SENP1: variants seen among roughly 807,000 people sequenced by gnomAD.
The protein encoded by SENP1 is SUMO specific peptidase 1, also known as sentrin-specific protease 1.
In SENP1, 21 loss-of-function variants were observed where a neutral mutation model predicts 93.0. The ratio of observed to expected loss-of-function variants is 0.23; its 90% CI spans 0.16 to 0.33. SENP1 has a LOEUF of 0.33. Ranked by LOEUF, SENP1 falls within the 10% of genes least tolerant of loss-of-function variation. SENP1 has a pLI of 1.00. For missense variants in SENP1, 591 were observed against 758.7 expected (o/e 0.78, Z 2.60); for synonymous variants, 256 against 259.6 (o/e 0.99, Z 0.13).
At chr12:48,046,038 G>C (rs1941339001) in intron 17 of SENP1, among the ~76,000 whole-genome samples, 1 of 152,158 alleles carries the variant, frequency 6.6e-6, no homozygotes, top group South Asian at 2.1e-4. Context: ...CGAAATGCAA[G>C]GGAACTAAAG....
At chr12:48,080,901 G>A (rs1426398410) in intron 6 of SENP1, among the ~76,000 whole-genome samples, 2 of 152,154 alleles carry the variant, frequency 1.3e-5, no homozygotes, top group African/African-American at 4.8e-5. Context: ...CACTACAGGA[G>A]GAAGGAGAAC....
Position 48,063,804 on chromosome 12 carries a change from C to G in SENP1, c.1313G>C (p.Gly438Ala), listed in dbSNP as rs779013784. The change falls in exon 13 of 18, where the codon GGG becomes GCG. Residue 438 changes from glycine to alanine, a missense_variant. By Grantham distance (60) the Gly-to-Ala change is moderately conservative. This residue lies in a region of SENP1 where 238 missense variants were observed against 259.1 expected (regional missense o/e 0.92). Transcript: ENST00000549518. ...EKEIKNVFRN[G>A]NQDEVLSEAF... is the part of the protein sequence containing the mutation. ...TTCACTGAGAACTTCATCCTGATTC[C>G]CATTACGAAATACATTCTTTATTTC... is the stretch of plus-strand genomic sequence containing the variant. 42 of 1,612,542 alleles carry G rather than the reference C, an allele frequency of 2.6e-5. No homozygotes were observed. The highest frequency in any genetic ancestry group is 3.5e-5 in the Non-Finnish European group (41 of 1,179,356).
At chr12:48,101,976 T>TA (rs1324243482) in intron 1 of SENP1, among the ~76,000 whole-genome samples, 1 of 152,204 alleles carries the variant, frequency 6.6e-6, no homozygotes, top group Non-Finnish European at 1.5e-5. Flanking sequence ...AGTAGCCTGA[T>TA]ACTCTAATGA....
intron 2 of SENP1, among the ~76,000 whole-genome samples, chr12:48,098,415 C>T (rs542495499): frequency 6.6e-5 from 10 of 151,898 alleles, no homozygotes; most frequent in South Asian, 6.2e-4. Context: ...GAGGTTGAGG[C>T]GGGTGGATCA....
intron 15 of SENP1, among the ~76,000 whole-genome samples, 156 bp downstream of exon 15, chr12:48,047,845 A>G (rs1479609404): frequency 6.6e-6 from 1 of 152,208 alleles, no homozygotes; most frequent in African/African-American, 2.4e-5. Context: ...TATTGTTTTT[A>G]AACTAAACTT....
intron 1 of SENP1, 141 bp downstream of exon 1, chr12:48,105,887 G>A (rs540019447): frequency 3.6e-5 from 22 of 618,078 alleles, no homozygotes; most frequent in Non-Finnish European, 6.1e-5. Context: ...CAGGGGGCGG[G>A]GCAGAGGAAA....
intron 8 of SENP1, among the ~76,000 whole-genome samples, chr12:48,072,901 C>T (rs1350635299): frequency 6.6e-6 from 1 of 151,776 alleles, no homozygotes. Context: ...ACATATCCTC[C>T]CCCCACAGAT....
chr12:48,088,788 A>G lies in SENP1; in HGVS notation c.380+13T>C, dbSNP rs773514778. On this transcript the variant is annotated intron_variant, in intron 5 of 17. Coordinates refer to ENST00000549518, the MANE Select transcript of SENP1 (RefSeq NM_001267594.2). ...GAGGAAGGGCTTGAGAACTAAGATGACAAAATACGAACCTTGAGGTCTTTC... is the reference window on the plus strand; with the variant it reads ...GAGGAAGGGCTTGAGAACTAAGATGGCAAAATACGAACCTTGAGGTCTTTC... 6.2e-7 allele frequency: 1 copy of G among 1,606,738 alleles called. No individual in the cohort carries two copies. Among genetic ancestry groups the G allele is most frequent in the Non-Finnish European group, 8.5e-7 (1 of 1,176,220 alleles).
intron 2 of SENP1, among the ~76,000 whole-genome samples, chr12:48,100,077 A>T (rs539909600): frequency 1.5e-3 from 223 of 152,316 alleles, no homozygotes; most frequent in Non-Finnish European, 1.3e-3. Context: ...AAAACACAGA[A>T]TAGAGAGAAA....
At position 48,045,352 on chromosome 12, in the gene SENP1, G is replaced by C. The variant is rs1352020811; in HGVS notation, c.1905C>G (p.Val635=). 1 of 1,613,590 alleles carries C rather than the reference G, an allele frequency of 6.2e-7. No individual in the cohort carries two copies. The highest frequency in any genetic ancestry group is 8.5e-7 in the Non-Finnish European group (1 of 1,179,748). The change falls in exon 18 of 18, where the codon GTC becomes GTG. Residue 635 remains valine, a synonymous_variant. Coordinates refer to ENST00000549518, the MANE Select transcript of SENP1 (RefSeq NM_001267594.2). ...AGAGTTTTCGGTGGAGGATCTCCCA[G>C]ACCATCCGCTTCCGGAAGTATGGCA... ...QHMPYFRKRM[V]WEILHRKLL
chr12:48,079,529 G>A (rs1944365690), intron 6 of SENP1, among the ~76,000 whole-genome samples: 1 of 151,992 alleles, frequency 6.6e-6, no homozygotes, highest in Admixed American at 6.6e-5. Flanking sequence ...GATCTTAAGA[G>A]TAAAGGAAGC....
intron 1 of SENP1, among the ~76,000 whole-genome samples, chr12:48,104,869 A>T (rs1946358262): frequency 6.6e-6 from 1 of 152,210 alleles, no homozygotes; most frequent in African/African-American, 2.4e-5. Flanking sequence ...AATTAATTGA[A>T]GTCAGTTAAA....
chr12:48,083,745 A>G lies in SENP1; in HGVS notation c.398T>C (p.Phe133Ser), dbSNP rs770290233. 2.5e-6 allele frequency: 4 copies of G among 1,607,494 alleles called. No homozygotes were observed. The highest frequency in any genetic ancestry group is 2.3e-5 in the South Asian group (2 of 88,874). ...GCAGTGATGGTTTGACTTTCCCGCAAAACTGTTTGATAATCCACTAAAAAA... is the reference window on the plus strand; with the variant it reads ...GCAGTGATGGTTTGACTTTCCCGCAGAACTGTTTGATAATCCACTAAAAAA... ...RKTSSGLSNS[F>S]AGKSNHHCHV... The change falls in exon 6 of 18, where the codon TTT becomes TCT. Residue 133 changes from phenylalanine (F) to serine (S), a missense_variant. Around this residue, in one of 4 missense-constraint regions of SENP1, gnomAD observed 214 missense variants for 243.4 expected, o/e 0.88. Transcript: ENST00000549518.
intron 6 of SENP1, among the ~76,000 whole-genome samples, chr12:48,078,317 T>TTATATATATATATATATATACATA (rs370021236): frequency 1.4e-5 from 1 of 70,742 alleles, no homozygotes; most frequent in Non-Finnish European, 2.8e-5. Flanking sequence ...CTGTAGGATT[T>TTATATATATATATATATATACATA]TATATATATA....
intron 9 of SENP1, among the ~76,000 whole-genome samples, 183 bp downstream of exon 9, chr12:48,071,484 C>T (rs1364179166): frequency 1.3e-5 from 2 of 152,114 alleles, no homozygotes; most frequent in East Asian, 1.9e-4. Context: ...GGCGTGGTGG[C>T]GGGCGCCTGT....
intron 4 of SENP1, among the ~76,000 whole-genome samples, chr12:48,090,861 G>A (rs183138397): frequency 2.2e-4 from 33 of 152,172 alleles, no homozygotes; most frequent in African/African-American, 6.3e-4. Context: ...GTCTCCCAAC[G>A]GCAAAGTACT....
At chr12:48,102,706 A>G (rs74521172) in intron 1 of SENP1, among the ~76,000 whole-genome samples, 4,477 of 151,788 alleles carry the variant, frequency 0.029, 103 homozygotes, top group Non-Finnish European at 0.044. Flanking sequence ...TGGTCACAAT[A>G]ATGAAAGTCA....
At position 48,053,041 on chromosome 12, in the gene SENP1, G is replaced by A. The variant is rs143632712; in HGVS notation, c.1408-3909C>T. Among the ~76,000 whole-genome samples, 204 of 152,202 alleles carry A rather than the reference G, an allele frequency of 1.3e-3. 4 individuals are homozygous for A. The East Asian group carries it at 0.035, about 26-fold the overall frequency. ...CCTATTCCTAAGGCTAGGTTTGTCT[G>A]GTTGAACTTAATGTTTTGCAGGTTG... On this transcript the variant is annotated intron_variant, in intron 13 of 17. Coordinates refer to ENST00000549518, the MANE Select transcript of SENP1 (RefSeq NM_001267594.2).
intron 6 of SENP1, among the ~76,000 whole-genome samples, chr12:48,078,316 T>TA (rs1321235101): frequency 4.2e-4 from 26 of 62,538 alleles, no homozygotes; most frequent in African/African-American, 1.6e-3. Context: ...TCTGTAGGAT[T>TA]TTATATATAT....
Sources: gnomAD v4.1 joint callset for allele counts (sites outside exome capture counted in the v4.1 genomes callset) on GRCh38, gnomAD v4.1.1 for gene constraint, gnomAD v4.1.1 regional missense constraint, MANE v1.5 for transcripts, NCBI Gene and HGNC (gene_info 2026-07-23, HGNC 2026-07-21) for gene names.